DIP2C: variants seen among roughly 807,000 people sequenced by gnomAD.
DIP2C encodes disco-interacting protein 2 homolog C.
Under a neutral mutation model 192.4 loss-of-function variants are expected in DIP2C, and 33 were observed. The ratio of observed to expected loss-of-function variants is 0.17; its 90% CI spans 0.13 to 0.23. The LOEUF (loss-of-function observed/expected upper bound fraction) is 0.23, where lower values mean the gene tolerates loss of function less well. DIP2C is among the 10% of genes least tolerant of loss of function. The pLI is 1.00. For missense variants in DIP2C, 1,537 were observed against 2,110.1 expected, an observed-to-expected ratio of 0.73 and a Z score of 5.32; for synonymous variants, 979 against 864.1, an observed-to-expected ratio of 1.13 and a Z score of -2.33.
chr10:552,106 G>A (rs537005391), intron 1 of DIP2C, among the ~76,000 whole-genome samples: 1 of 152,210 alleles, frequency 6.6e-6, no homozygotes, highest in Non-Finnish European at 1.5e-5. Context: ...CTGGGTTGCT[G>A]GAGAGACACA....
At chr10:286,195 G>T in intron 34 of DIP2C, 78 bp downstream of exon 34, 1 of 1,335,408 alleles carries the variant, frequency 7.5e-7, no homozygotes, top group Non-Finnish European at 1.1e-6. Flanking sequence ...GGGCATGTGA[G>T]CAGTTCTGAT....
At chr10:459,815 C>A (rs545442981) in intron 3 of DIP2C, among the ~76,000 whole-genome samples, 2 of 149,468 alleles carry the variant, frequency 1.3e-5, no homozygotes, top group South Asian at 4.2e-4. Context: ...TTCCCACAGC[C>A]ACATCAGGGA....
chr10:311,780 G>A (rs150730335), intron 31 of DIP2C, among the ~76,000 whole-genome samples: 140 of 152,294 alleles, frequency 9.2e-4, no homozygotes, highest in African/African-American at 3.2e-3. Flanking sequence ...ATTAACCACT[G>A]TACAAGGCTA....
At chr10:311,818 A>G (rs1956578707) in intron 31 of DIP2C, among the ~76,000 whole-genome samples, 1 of 152,372 alleles carries the variant, frequency 6.6e-6, no homozygotes, top group South Asian at 2.1e-4. Flanking sequence ...ATGTCAACAT[A>G]TCCACGGAGC....
chr10:598,055 G>A (rs11253273), intron 1 of DIP2C, among the ~76,000 whole-genome samples: 4,715 of 152,288 alleles, frequency 0.031, 126 homozygotes, highest in East Asian at 0.14. Context: ...TCTAACCACC[G>A]CTGGACCTGC....
intron 1 of DIP2C, among the ~76,000 whole-genome samples, chr10:591,344 C>CA (rs1404117968): frequency 1.3e-5 from 2 of 152,152 alleles, no homozygotes; most frequent in Non-Finnish European, 2.9e-5. Context: ...AGGCTGGTCT[C>CA]AAACTCCTGA....
rs1053081216 is a variant in DIP2C at position 348,623 on chromosome 10, C to T, written c.3231+18G>A. 6.8e-6 allele frequency: 11 copies of T among 1,610,192 alleles called. No individual in the cohort carries two copies. Among genetic ancestry groups the T allele is most frequent in the East Asian group, 4.5e-5 (2 of 44,798 alleles). On this transcript the variant is annotated intron_variant, in intron 26 of 36. Transcript: ENST00000280886. The stretch of plus-strand genomic sequence containing the variant: ...AGCTCCAGGCAGGTGGAGGCCCCGA[C>T]ATTCCCAGGCATGTTACCTCCACAA...
At chr10:605,652 A>G (rs1283734663) in intron 1 of DIP2C, among the ~76,000 whole-genome samples, 1 of 152,258 alleles carries the variant, frequency 6.6e-6, no homozygotes, top group Admixed American at 6.5e-5. Context: ...CTGCCTGAAC[A>G]TTTCATTGCC....
At chr10:303,056 G>A (rs568213909) in intron 32 of DIP2C, among the ~76,000 whole-genome samples, 4 of 152,152 alleles carry the variant, frequency 2.6e-5, no homozygotes, top group Non-Finnish European at 4.4e-5. Context: ...GCACGCGACT[G>A]TAGATTTGTA....
At chr10:394,314 G>A (rs1963764836) in intron 10 of DIP2C, among the ~76,000 whole-genome samples, 1 of 151,988 alleles carries the variant, frequency 6.6e-6, no homozygotes, top group Non-Finnish European at 1.5e-5. Context: ...AGGGAGGAGG[G>A]AAGCCTGCTC....
At chr10:490,973 T>C (rs927860819) in intron 1 of DIP2C, among the ~76,000 whole-genome samples, 1 of 152,340 alleles carries the variant, frequency 6.6e-6, no homozygotes. Context: ...TTCTCACTTA[T>C]GTTGCAATCC....
chr10:667,967 TCA>T (rs1302131346), intron 1 of DIP2C: 2 of 142,780 alleles, frequency 1.4e-5, no homozygotes, highest in Non-Finnish European at 3.1e-5. Flanking sequence ...CACACGCAAC[TCA>T]CAACACAACA....
chr10:606,330 C>T (rs1224117080), intron 1 of DIP2C, among the ~76,000 whole-genome samples: 1 of 152,108 alleles, frequency 6.6e-6, no homozygotes, highest in Non-Finnish European at 1.5e-5. Context: ...CGGCCACTCG[C>T]CCCGCTGCCG....
At chr10:487,065 A>T (rs953060966) in intron 1 of DIP2C, among the ~76,000 whole-genome samples, 2 of 152,238 alleles carry the variant, frequency 1.3e-5, no homozygotes, top group Non-Finnish European at 2.9e-5. Context: ...GAAATCCAGA[A>T]GACAAGAGAA....
At chr10:464,562 A>AGG (rs2133395732) in intron 3 of DIP2C, among the ~76,000 whole-genome samples, 1 of 8,038 alleles carries the variant, frequency 1.2e-4, no homozygotes, top group African/African-American at 1.3e-4. Flanking sequence ...CCATTGTGGA[A>AGG]GAGTGTGGTG....
chr10:601,679 T>G (rs1852082669), intron 1 of DIP2C, among the ~76,000 whole-genome samples: 1 of 152,174 alleles, frequency 6.6e-6, no homozygotes, highest in Non-Finnish European at 1.5e-5. Flanking sequence ...GAAGGACCAT[T>G]TCAAGGTGGG....
In DIP2C at chr10:383,349, G is replaced by A. The variant is rs78125778; in HGVS notation, c.1877-588C>T. 6.1e-3 allele frequency among the ~76,000 whole-genome samples: 927 copies of A among 152,268 alleles called. 4 individuals are homozygous for A. Among genetic ancestry groups the A allele is most frequent in the Middle Eastern group, 0.014 (4 of 294 alleles). Reference sequence around the variant, plus strand: ...TTATGCTGCTTTAGTTTACAAACATGAACGTTGCATGTTTCATAAATGTGG... The same window carrying A: ...TTATGCTGCTTTAGTTTACAAACATAAACGTTGCATGTTTCATAAATGTGG... On this transcript the variant is annotated intron_variant, in intron 16 of 36. Coordinates refer to ENST00000280886, the MANE Select transcript of DIP2C (RefSeq NM_014974.3).
rs182141204 is a variant in DIP2C, at chr10:541,741, A to T, written c.86-55211T>A. Among the ~76,000 whole-genome samples the T allele has an allele frequency of 2.1e-3, 143 of 68,388 alleles. 1 individual carries two copies. The highest frequency in any genetic ancestry group is 3.2e-3 in the Non-Finnish European group (109 of 33,746). The allele number at this position is 68,388 out of a possible 152,430, so 44.9% of individuals were successfully genotyped here. On this transcript the variant is annotated intron_variant, in intron 1 of 36. Coordinates refer to ENST00000280886, the MANE Select transcript of DIP2C (RefSeq NM_014974.3). Reference sequence around the variant, plus strand: ...TGGATCCCACAGCATGACCCTCCACACTGACCACACCCATCTCTCCTGGAC... The same window carrying T: ...TGGATCCCACAGCATGACCCTCCACTCTGACCACACCCATCTCTCCTGGAC...
At chr10:280,703 G>T (rs1156395731) in intron 36 of DIP2C, among the ~76,000 whole-genome samples, 1 of 152,242 alleles carries the variant, frequency 6.6e-6, no homozygotes, top group Non-Finnish European at 1.5e-5. Flanking sequence ...CCAGGCAGCA[G>T]GTGCGACGCA....
Sources: gnomAD v4.1 joint callset for allele counts (sites outside exome capture counted in the v4.1 genomes callset) on GRCh38, gnomAD v4.1.1 for gene constraint, MANE v1.5 for transcripts, NCBI Gene and HGNC (gene_info 2026-07-23, HGNC 2026-07-21) for gene names.